Variants in SYNE2 observed in about 807,000 individuals in gnomAD.
SYNE2 encodes the protein nesprin-2.
SYNE2 carries 431 observed loss-of-function variants against 856.3 expected under a neutral mutation model. The ratio of observed to expected loss-of-function variants is 0.50; its 90% CI spans 0.47 to 0.55. SYNE2 has a LOEUF of 0.55. Ranked by LOEUF, SYNE2 falls within the 20% of genes least tolerant of loss-of-function variation. SYNE2 has a pLI of 0.00. For missense variants in SYNE2, 8,129 were observed against 8,023.2 expected (o/e 1.01, Z -0.50); for synonymous variants, 2,923 against 2,872.3 (o/e 1.02, Z -0.56).
In SYNE2 at chr14:63,798,242, G is replaced by T. The variant is rs373158523; in HGVS notation, c.-305+36256G>T. On this transcript the variant is annotated intron_variant, in intron 1 of 23. Coordinates refer to the SYNE2 transcript ENST00000674003. ...GTTTGTTTTTTCAACTAGAGATAAG[G>T]TCTCACTATGTTGCCCAGGATCGTC... Among the ~76,000 whole-genome samples, 5 of 152,050 alleles carry T rather than the reference G, an allele frequency of 3.3e-5. No individual in the cohort carries two copies. In the South Asian group the frequency reaches 1.0e-3, roughly 32 times the overall value.
At chr14:64,080,665 A>G (rs2097513540) in intron 56 of SYNE2, 27 bp downstream of exon 56, 4 of 1,612,184 alleles carry the variant, frequency 2.5e-6, no homozygotes, top group Admixed American at 3.3e-5. Flanking sequence ...TAATAGCTTC[A>G]TATCATGTGG....
At chr14:64,222,243 A>C (rs1004559730) in intron 112 of SYNE2, among the ~76,000 whole-genome samples, 1 of 152,210 alleles carries the variant, frequency 6.6e-6, no homozygotes, top group Admixed American at 6.5e-5. Flanking sequence ...AGTGCTAGCC[A>C]TTGTTTAAAA....
intron 7 of SYNE2, among the ~76,000 whole-genome samples, chr14:63,952,645 G>C (rs1286100498): frequency 6.6e-6 from 1 of 152,186 alleles, no homozygotes. Flanking sequence ...GTCATAGGTT[G>C]TTATATGCAT....
At chr14:63,962,651 C>T (rs1384171356) in intron 9 of SYNE2, among the ~76,000 whole-genome samples, 1 of 152,196 alleles carries the variant, frequency 6.6e-6, no homozygotes, top group Non-Finnish European at 1.5e-5. Flanking sequence ...AAATGATTCT[C>T]GTGCCTCAGC....
intron 45 of SYNE2, among the ~76,000 whole-genome samples, chr14:64,043,671 G>T (rs1233671772): frequency 2.6e-5 from 4 of 152,240 alleles, no homozygotes; most frequent in Non-Finnish European, 5.9e-5. Context: ...CTTCCATGTG[G>T]TGTTGAGCCT....
At chr14:64,189,253 G>A (rs2098506494) in intron 98 of SYNE2, among the ~76,000 whole-genome samples, 1 of 151,956 alleles carries the variant, frequency 6.6e-6, no homozygotes, top group Non-Finnish European at 1.5e-5. Context: ...AGGATTGCTT[G>A]AACCTGGGAG....
chr14:63,787,255 C>T (rs1415798826), intron 1 of SYNE2, among the ~76,000 whole-genome samples: 3 of 152,144 alleles, frequency 2.0e-5, no homozygotes, highest in Non-Finnish European at 4.4e-5. Context: ...CTATAGTCAC[C>T]TCATTGGGCT....
chr14:63,967,827 G>C lies in SYNE2; in HGVS notation c.1109G>C (p.Trp370Ser), dbSNP rs1245535709. The change falls in exon 11 of 116, where the codon TGG becomes TCG. Residue 370 changes from tryptophan to serine, a missense_variant. Around this residue, in one of 3 missense-constraint regions of SYNE2, gnomAD observed 2,422 missense variants for 2,357.4 expected, o/e 1.03. Coordinates refer to ENST00000555002, the MANE Select transcript of SYNE2 (RefSeq NM_182914.3). The stretch of plus-strand genomic sequence containing the variant: ...GATCATTTACAGTTGAGAGAAGCCT[G>C]GGATGGCCTCGATCACCAGGTGACT... ...DKDHLQLREA[W>S]DGLDHQINAW... The C allele has an allele frequency of 6.2e-7, 1 of 1,614,052 alleles. No individual in the cohort carries two copies. Among genetic ancestry groups the C allele is most frequent in the Non-Finnish European group, 8.5e-7 (1 of 1,179,974 alleles).
intron 48 of SYNE2, 39 bp downstream of exon 48, chr14:64,053,696 G>A (rs1327451713): frequency 6.3e-7 from 1 of 1,598,404 alleles, no homozygotes; most frequent in Admixed American, 1.7e-5. Flanking sequence ...GCTGGGTGCG[G>A]GGGCTCACGC....
At position 64,098,338 on chromosome 14, in the gene SYNE2, C is replaced by T. The variant is rs1191139156; in HGVS notation, c.12306+192C>T. ...CTCAGGGTGTGCCTGTTCTGGACTC[C>T]ACCCAGAATTCTTAACACCTGAATT... On this transcript the variant is annotated intron_variant, in intron 62 of 115. Transcript: ENST00000555002. 7.4e-6 allele frequency: 5 copies of T among 675,766 alleles called. No homozygotes were observed. In the African/African-American group the frequency reaches 9.0e-5, roughly 12 times the overall value. 41.9% of individuals were successfully genotyped at this position (675,766 alleles called of 1,614,324 possible). A position where few individuals can be genotyped will look rare whatever the true frequency, so the allele number is the denominator to read the frequency against.
chr14:64,208,421 A>G (rs910250245), intron 100 of SYNE2, among the ~76,000 whole-genome samples: 7 of 152,208 alleles, frequency 4.6e-5, no homozygotes, highest in African/African-American at 1.7e-4. Flanking sequence ...AGTAGATCCC[A>G]TGCATACCCG....
intron 25 of SYNE2, among the ~76,000 whole-genome samples, chr14:63,997,710 G>C (rs771245293): frequency 6.6e-6 from 1 of 152,188 alleles, no homozygotes; most frequent in Non-Finnish European, 1.5e-5. Context: ...GATCTGTACA[G>C]ATGTTTCCAT....
intron 53 of SYNE2, 75 bp downstream of exon 53, chr14:64,074,211 A>G (rs1190780116): frequency 3.4e-6 from 5 of 1,474,502 alleles, no homozygotes; most frequent in African/African-American, 2.8e-5. Context: ...TGGGGTAGAG[A>G]TAACTCAGTG....
intron 1 of SYNE2, among the ~76,000 whole-genome samples, chr14:63,902,011 A>G (rs1346639983): frequency 6.6e-6 from 1 of 152,226 alleles, no homozygotes; most frequent in African/African-American, 2.4e-5. Flanking sequence ...ATGTATTTTA[A>G]AAACAATCCC....
rs1209885951 is a variant in SYNE2, at chr14:64,076,100, G to C, written c.11022G>C (p.Lys3674Asn). 3.1e-6 allele frequency: 5 copies of C among 1,613,036 alleles called. No individual in the cohort carries two copies. Among genetic ancestry groups the C allele is most frequent in the East Asian group, 4.5e-5 (2 of 44,838 alleles). ...CRKALEDIDE[K>N]ISNEVLKSSP... ...AAGCTTTAGAAGACATAGATGAGAAGGTAATAATAATGTCTGTACTACTGT... is the reference window on the plus strand; with the variant it reads ...AAGCTTTAGAAGACATAGATGAGAACGTAATAATAATGTCTGTACTACTGT... Residue 3674 changes from lysine to asparagine, a missense_variant and splice_region_variant, in exon 54 of 116, where the codon AAG becomes AAC. Transcript: ENST00000555002.
chr14:63,878,487 A>G (rs1429692587), intron 1 of SYNE2, among the ~76,000 whole-genome samples: 1 of 152,162 alleles, frequency 6.6e-6, no homozygotes, highest in Non-Finnish European at 1.5e-5. Context: ...CATTCTCCCT[A>G]GATTCTGGTC....
At chr14:64,167,193 T>A (rs376284473) in intron 90 of SYNE2, 40 bp from the exon 91 acceptor site, 2 of 1,613,330 alleles carry the variant, frequency 1.2e-6, no homozygotes, top group Non-Finnish European at 1.7e-6. Context: ...AGATATCTTA[T>A]TGGCATCCAA....
chr14:63,793,210 C>T (rs959206113), intron 1 of SYNE2, among the ~76,000 whole-genome samples: 1 of 152,268 alleles, frequency 6.6e-6, no homozygotes, highest in East Asian at 1.9e-4. Context: ...TGTTGACACA[C>T]ACAGCCACCT....
In SYNE2 at chr14:64,212,580, T is replaced by G. The variant is rs8021944; in HGVS notation, c.18862-231T>G. 0.055 allele frequency among the ~76,000 whole-genome samples: 8,401 copies of G among 152,320 alleles called. 323 individuals carry two copies. The highest frequency in any genetic ancestry group is 0.079 in the Non-Finnish European group (5,374 of 68,024). On this transcript the variant is annotated intron_variant, in intron 104 of 115. Coordinates refer to ENST00000555002, the MANE Select transcript of SYNE2 (RefSeq NM_182914.3). ...TAAATGTCCACCCGTGTCAAACTTT[T>G]AGAATTATTTTAATTGGAAAAGCCA...
Sources: gnomAD v4.1 joint callset for allele counts (sites outside exome capture counted in the v4.1 genomes callset) on GRCh38, gnomAD v4.1.1 for gene constraint, gnomAD v4.1.1 regional missense constraint, MANE v1.5 for transcripts, NCBI Gene and HGNC (gene_info 2026-07-23, HGNC 2026-07-21) for gene names.